Variants in HADH observed in about 807,000 individuals in gnomAD.
The protein encoded by HADH is hydroxyacyl-coenzyme A dehydrogenase, mitochondrial.
HADH carries 24 observed loss-of-function variants against 32.2 expected under a neutral mutation model. The ratio of observed to expected loss-of-function variants is 0.75; its 90% CI spans 0.54 to 1.05. The LOEUF is 1.05. HADH is among the 50% of genes least tolerant of loss of function. The pLI is 0.00. For missense variants in HADH, 350 were observed against 397.1 expected, an observed-to-expected ratio of 0.88 and a Z score of 1.01; for synonymous variants, 139 against 152.5, an observed-to-expected ratio of 0.91 and a Z score of 0.65.
chr4:108,022,013 T>A (rs1316019066), intron 4 of HADH, among the ~76,000 whole-genome samples: 4 of 151,872 alleles, frequency 2.6e-5, no homozygotes, highest in African/African-American at 9.7e-5. Context: ...GTTCACCGAG[T>A]CAGACGGCCC....
chr4:108,029,763 C>G (rs1237681380), intron 6 of HADH: 2 of 152,486 alleles, frequency 1.3e-5, no homozygotes, highest in Non-Finnish European at 2.9e-5. Context: ...GGCTCACGCC[C>G]TTTTGCTCTG....
intron 7 of HADH, 148 bp downstream of exon 7, chr4:108,033,440 T>A (rs771550506): frequency 1.1e-5 from 8 of 696,844 alleles, no homozygotes; most frequent in Non-Finnish European, 1.8e-5. Flanking sequence ...TGAACAGATG[T>A]CAGGAGAAGG....
intron 1 of HADH, among the ~76,000 whole-genome samples, chr4:108,004,206 G>C (rs1735214150): frequency 6.6e-6 from 1 of 152,202 alleles, no homozygotes. Context: ...TGAGAGTAGG[G>C]GATTTTGTTT....
chr4:107,993,883 GA>G, intron 1 of HADH, among the ~76,000 whole-genome samples: 1 of 150,822 alleles, frequency 6.6e-6, no homozygotes, highest in Middle Eastern at 3.4e-3. Flanking sequence ...AGGATTAAAT[GA>G]GCCTTGAGTG....
intron 2 of HADH, among the ~76,000 whole-genome samples, chr4:108,013,222 C>A (rs558883719): frequency 6.6e-6 from 1 of 152,216 alleles, no homozygotes; most frequent in African/African-American, 2.4e-5. Context: ...TGAGCCACTG[C>A]GCCCGGACCA....
chr4:108,000,714 G>T (rs1735097141), intron 1 of HADH, among the ~76,000 whole-genome samples: 1 of 152,176 alleles, frequency 6.6e-6, no homozygotes, highest in South Asian at 2.1e-4. Flanking sequence ...TGAAGGGTAA[G>T]TTGAAGTCCA....
chr4:108,022,186 T>C (rs966061379), intron 4 of HADH, among the ~76,000 whole-genome samples: 2 of 148,118 alleles, frequency 1.4e-5, no homozygotes, highest in Non-Finnish European at 3.0e-5. Context: ...TGTGTGTGTG[T>C]GTATGTGTGT....
intron 3 of HADH, among the ~76,000 whole-genome samples, chr4:108,019,168 G>A (rs749524952): frequency 1.3e-5 from 2 of 151,852 alleles, no homozygotes; most frequent in African/African-American, 2.4e-5. Flanking sequence ...ACTGAGTTTC[G>A]TTTGTGACTG....
In HADH at chr4:108,033,964, G is replaced by T. The variant is rs4533834; in HGVS notation, c.827-275G>T. On this transcript the variant is annotated intron_variant, in intron 7 of 7. Transcript: ENST00000309522. ...TGTCAGTGTACTTGGGCCTTTGGCC[G>T]TAGTGATTTCTGAGAAGACACTGGA... Among the ~76,000 whole-genome samples, 149,022 of 152,382 alleles carry T rather than the reference G, an allele frequency of 0.98. 72,955 individuals carry two copies. Among genetic ancestry groups the T allele is most frequent in the Middle Eastern group, 1 (294 of 294 alleles).
At chr4:108,019,707 A>G (rs1578258521) in intron 4 of HADH, 41 bp downstream of exon 4, 1 of 1,612,392 alleles carries the variant, frequency 6.2e-7, no homozygotes, top group Non-Finnish European at 8.5e-7. Context: ...CCGCTCTGCC[A>G]GCTCTCTCAG....
At chr4:108,017,162 G>A (rs1367491683) in intron 3 of HADH, among the ~76,000 whole-genome samples, 1 of 152,122 alleles carries the variant, frequency 6.6e-6, no homozygotes, top group Non-Finnish European at 1.5e-5. Context: ...TTTACAGTTC[G>A]ATCCTATAAT....
At position 108,034,871 on chromosome 4, in the gene HADH, A is replaced by G. The variant is rs183594888; in HGVS notation, c.*514A>G. 117 of 248,710 alleles carry G rather than the reference A, an allele frequency of 4.7e-4. 3 individuals are homozygous for G. The East Asian group carries it at 0.011, about 23-fold the overall frequency. 15.4% of individuals were successfully genotyped at this position (248,710 alleles called of 1,614,324 possible). A position where few individuals can be genotyped will look rare whatever the true frequency, so the allele number is the denominator to read the frequency against. ...TCTTGCCCTACATTTTGGGCATGACATAAGATGTGTCTTTATTCAGCTCGT... is the reference window on the plus strand; with the variant it reads ...TCTTGCCCTACATTTTGGGCATGACGTAAGATGTGTCTTTATTCAGCTCGT... On this transcript the variant is annotated 3_prime_UTR_variant, in exon 8 of 8. Transcript: ENST00000309522.
intron 1 of HADH, chr4:108,004,895 G>C (rs535303944): frequency 3.3e-5 from 50 of 1,535,842 alleles, no homozygotes; most frequent in Non-Finnish European, 3.8e-5. Context: ...TGGAAGCCCA[G>C]CTGGGAGGCT....
intron 4 of HADH, among the ~76,000 whole-genome samples, 200 bp from the exon 5 acceptor site, chr4:108,023,274 G>C (rs1735953436): frequency 6.6e-6 from 1 of 152,220 alleles, no homozygotes; most frequent in African/African-American, 2.4e-5. Flanking sequence ...TTACAGGCAT[G>C]AGCCACCACA....
Position 108,005,002 on chromosome 4 carries a change from A to C in HADH, c.133-4757A>C, listed in dbSNP as rs115995922. ...GAAGTGATAATACTGTATTCAGTTT[A>C]AATGTTTATTTTATACTGTAACTCA... is the stretch of plus-strand genomic sequence containing the variant. On this transcript the variant is annotated intron_variant, in intron 1 of 7. Coordinates refer to ENST00000309522, the MANE Select transcript of HADH (RefSeq NM_005327.7). The C allele has an allele frequency of 2.7e-4, 279 of 1,039,690 alleles. 4 individuals are homozygous for C. The Admixed American group carries it at 5.8e-3, about 22-fold the overall frequency. 64.4% of individuals were successfully genotyped at this position (1,039,690 alleles called of 1,614,324 possible). A position where few individuals can be genotyped will look rare whatever the true frequency, so the allele number is the denominator to read the frequency against.
intron 1 of HADH, chr4:108,004,620 G>A (rs1308300645): frequency 1.3e-6 from 2 of 1,491,012 alleles, no homozygotes; most frequent in South Asian, 2.4e-5. Context: ...TATTCAGGAG[G>A]AGTAACTGGA....
chr4:108,014,673 T>A, intron 3 of HADH, 85 bp downstream of exon 3: 1 of 1,282,454 alleles, frequency 7.8e-7, no homozygotes, highest in South Asian at 1.3e-5. Context: ...TTTATAGATT[T>A]GTGAGTACAA....
chr4:108,004,960 T>C, intron 1 of HADH: 1 of 1,423,012 alleles, frequency 7.0e-7, no homozygotes. Flanking sequence ...TATGTGGTAC[T>C]AAAAGGAATG....
chr4:108,007,422 C>G (rs1239640029), intron 1 of HADH, among the ~76,000 whole-genome samples: 3 of 152,140 alleles, frequency 2.0e-5, no homozygotes, highest in Admixed American at 2.0e-4. Flanking sequence ...TAAGTTCTTT[C>G]TGAGGGTAGG....
Sources: allele counts gnomAD v4.1 joint callset (sites outside exome capture counted in the v4.1 genomes callset), GRCh38; gene constraint gnomAD v4.1.1; transcripts MANE v1.5; gene names NCBI Gene and HGNC (gene_info 2026-07-23, HGNC 2026-07-21).